DGUOK: variants seen among roughly 807,000 people sequenced by gnomAD.
The protein encoded by DGUOK is deoxyguanosine kinase.
DGUOK carries 30 observed loss-of-function variants against 36.6 expected under a neutral mutation model. The ratio of observed to expected loss-of-function variants is 0.82; its 90% CI spans 0.61 to 1.11. The LOEUF (loss-of-function observed/expected upper bound fraction) is 1.11, where lower values mean the gene tolerates loss of function less well. DGUOK is among the 50% of genes most tolerant of loss of function. DGUOK has a pLI of 0.00. For synonymous variants in DGUOK, 145 were observed against 126.3 expected (o/e 1.15, Z -0.99); for missense variants, 361 against 336.4 (o/e 1.07, Z -0.57).
chr2:73,948,930 C>G (rs1427485438), intron 3 of DGUOK, among the ~76,000 whole-genome samples: 3 of 152,130 alleles, frequency 2.0e-5, no homozygotes, highest in African/African-American at 7.2e-5. Flanking sequence ...GGCTTATTAG[C>G]AAATCTTTAA....
In DGUOK at chr2:73,946,716, T is replaced by G. The variant is rs1682338588; in HGVS notation, c.256-3T>G. The G allele has an allele frequency of 6.2e-7, 1 of 1,614,160 alleles. No homozygotes were observed. Among genetic ancestry groups the G allele is most frequent in the Non-Finnish European group, 8.5e-7 (1 of 1,179,994 alleles). On this transcript the variant is annotated splice_region_variant and splice_polypyrimidine_tract_variant and intron_variant, in intron 2 of 6. Transcript: ENST00000264093. ...TTTTCTTCTTTTTTTCATCTCCCTC[T>G]AGGCCTGCACTGCCCAAAGTCTTGG...
intron 4 of DGUOK, among the ~76,000 whole-genome samples, chr2:73,955,835 C>T (rs1284290719): frequency 6.6e-6 from 1 of 152,080 alleles, no homozygotes; most frequent in African/African-American, 2.4e-5. Context: ...GATCGCGCCA[C>T]TGCACTCCAG....
At chr2:73,955,971 A>G (rs1419091226) in intron 4 of DGUOK, among the ~76,000 whole-genome samples, 2 of 152,184 alleles carry the variant, frequency 1.3e-5, no homozygotes, top group Non-Finnish European at 2.9e-5. Flanking sequence ...CAGAGAGAGG[A>G]CTGAGGATAA....
rs1475598263 is a variant in DGUOK at position 73,938,935 on chromosome 2, G to T, written c.168G>T (p.Lys56Asn). 6.2e-7 allele frequency: 1 copy of T among 1,613,856 alleles called. No homozygotes were observed. The highest frequency in any genetic ancestry group is 1.7e-5 in the Admixed American group (1 of 60,026). Residue 56 changes from lysine to asparagine, a missense_variant, in exon 2 of 7, where the codon AAG becomes AAT. Coordinates refer to ENST00000264093, the MANE Select transcript of DGUOK (RefSeq NM_080916.3). ...CTGTGGGAAAGTCCACGTTTGTGAAGTTACTCACGAAAACTTACCCAGAAT... is the reference window on the plus strand; with the variant it reads ...CTGTGGGAAAGTCCACGTTTGTGAATTTACTCACGAAAACTTACCCAGAAT... Reference protein sequence around the residue: ...NIAVGKSTFVKLLTKTYPEWH... With the variant: ...NIAVGKSTFVNLLTKTYPEWH...
At position 73,927,061 on chromosome 2, in the gene DGUOK, C is replaced by A. The variant is rs377000908; in HGVS notation, c.142+9C>A. ...CATCGAAGGCAACATTGGTAAGGGC[C>A]GGAAAGCGGCTGCCAAGCCTTGGCC... On this transcript the variant is annotated intron_variant, in intron 1 of 6. Coordinates refer to ENST00000264093, the MANE Select transcript of DGUOK (RefSeq NM_080916.3). 1.9e-6 allele frequency: 3 copies of A among 1,606,692 alleles called. No individual in the cohort carries two copies. Among genetic ancestry groups the A allele is most frequent in the Middle Eastern group, 3.3e-4 (2 of 6,012 alleles).
At chr2:73,937,294 C>A (rs1011179256) in intron 1 of DGUOK, among the ~76,000 whole-genome samples, 4 of 152,232 alleles carry the variant, frequency 2.6e-5, no homozygotes, top group African/African-American at 9.7e-5. Context: ...TGGCCACACC[C>A]ATCTTGAGCC....
rs1682322629 is a variant in DGUOK at position 73,946,596 on chromosome 2, T to G, written c.256-123T>G. On this transcript the variant is annotated intron_variant, in intron 2 of 6. Transcript: ENST00000264093. ...CCTTTTTGGTGGAAGGAAACTTTTG[T>G]AATTTCTTCTTTCATTGATTATTAA... The G allele has an allele frequency of 7.7e-6, 7 of 909,192 alleles. No homozygotes were observed. In the East Asian group the frequency reaches 1.8e-4, roughly 24 times the overall value. 56.3% of individuals were successfully genotyped at this position (909,192 alleles called of 1,614,324 possible).
intron 1 of DGUOK, among the ~76,000 whole-genome samples, chr2:73,932,945 G>C (rs1371366669): frequency 6.6e-6 from 1 of 152,146 alleles, no homozygotes; most frequent in African/African-American, 2.4e-5. Flanking sequence ...ATCTTCTTGT[G>C]ATTATCTTAC....
At chr2:73,950,868 C>T in intron 4 of DGUOK, 136 bp downstream of exon 4, 2 of 1,180,444 alleles carry the variant, frequency 1.7e-6, no homozygotes, top group East Asian at 2.3e-5. Flanking sequence ...GTGGGGGACA[C>T]CCTCCTGTCC....
intron 1 of DGUOK, 33 bp downstream of exon 1, chr2:73,927,085 C>T (rs746064267): frequency 1.7e-4 from 275 of 1,603,558 alleles, no homozygotes; most frequent in Non-Finnish European, 2.3e-4. Flanking sequence ...CAAGCCTTGG[C>T]CTCCGCCACG....
At chr2:73,951,891 T>A (rs1464689) in intron 4 of DGUOK, among the ~76,000 whole-genome samples, 2 of 152,088 alleles carry the variant, frequency 1.3e-5, no homozygotes, top group South Asian at 2.1e-4. Context: ...GAAACTGGGC[T>A]GGTGCAGTGG....
intron 2 of DGUOK, among the ~76,000 whole-genome samples, chr2:73,942,206 G>A (rs1001862205): frequency 1.3e-5 from 2 of 152,026 alleles, no homozygotes; most frequent in Non-Finnish European, 2.9e-5. Context: ...CACTGCGCCC[G>A]ACCATGTCAT....
intron 2 of DGUOK, among the ~76,000 whole-genome samples, chr2:73,939,551 T>C (rs1313225231): frequency 2.6e-5 from 4 of 152,222 alleles, no homozygotes; most frequent in Admixed American, 6.5e-5. Flanking sequence ...GCTTAGGCCC[T>C]GGTGTCAAGA....
At chr2:73,927,840 C>T (rs1680720245) in intron 1 of DGUOK, among the ~76,000 whole-genome samples, 1 of 152,164 alleles carries the variant, frequency 6.6e-6, no homozygotes. Context: ...GTCACTGAGC[C>T]CCTAAAAGGG....
chr2:73,940,401 A>AT (rs1284233003), intron 2 of DGUOK, among the ~76,000 whole-genome samples: 10 of 151,230 alleles, frequency 6.6e-5, no homozygotes, highest in East Asian at 3.9e-4. Flanking sequence ...TCTGGGTGCC[A>AT]TTTTTTTTTA....
rs115221879 is a variant in DGUOK, at chr2:73,929,216, C to T, written c.142+2164C>T. On this transcript the variant is annotated intron_variant, in intron 1 of 6. Coordinates refer to ENST00000264093, the MANE Select transcript of DGUOK (RefSeq NM_080916.3). The stretch of plus-strand genomic sequence containing the variant: ...GCCTGCCTCCCAGGCTCAAGCCATC[C>T]TCCCACCTTAGCCTCTTGAGTAGCT... 3.7e-3 allele frequency among the ~76,000 whole-genome samples: 566 copies of T among 152,278 alleles called. 1 individual carries two copies. Among genetic ancestry groups the T allele is most frequent in the African/African-American group, 0.013 (520 of 41,556 alleles).
At chr2:73,932,373 C>A (rs1211750612) in intron 1 of DGUOK, among the ~76,000 whole-genome samples, 3 of 152,162 alleles carry the variant, frequency 2.0e-5, no homozygotes, top group Admixed American at 6.5e-5. Flanking sequence ...TTCTGCTGAG[C>A]TTGTTTGCAC....
chr2:73,946,054 CAA>C (rs777937800), intron 2 of DGUOK, among the ~76,000 whole-genome samples: 7 of 32,222 alleles, frequency 2.2e-4, no homozygotes, highest in Admixed American at 2.7e-4. Flanking sequence ...GACTCTGTCT[CAA>C]AAAAAAAAAA....
At position 73,958,826 on chromosome 2, in the gene DGUOK, C is replaced by T. The variant is rs1370556515; in HGVS notation, c.*90C>T. The stretch of plus-strand genomic sequence containing the variant: ...TGTCTCCCAACCACCTTTCCATCCC[C>T]AGCCCCTCTCATCCCTGGAGCACTC... On this transcript the variant is annotated 3_prime_UTR_variant, in exon 7 of 7. Transcript: ENST00000264093. 1.9e-6 allele frequency: 2 copies of T among 1,070,872 alleles called. No homozygotes were observed. Among genetic ancestry groups the T allele is most frequent in the African/African-American group, 3.1e-5 (2 of 64,620 alleles). 66.3% of individuals were successfully genotyped at this position (1,070,872 alleles called of 1,614,324 possible).
Sources: allele counts gnomAD v4.1 joint callset (sites outside exome capture counted in the v4.1 genomes callset), GRCh38; gene constraint gnomAD v4.1.1; transcripts MANE v1.5; gene names NCBI Gene and HGNC (gene_info 2026-07-23, HGNC 2026-07-21).